KCNN2: variants seen among roughly 807,000 people sequenced by gnomAD.
The protein encoded by KCNN2 is potassium calcium-activated channel subfamily N member 2.
KCNN2 carries 24 observed loss-of-function variants against 55.5 expected under a neutral mutation model. The ratio of observed to expected loss-of-function variants is 0.43; its 90% CI spans 0.31 to 0.61. KCNN2 has a LOEUF of 0.61. Ranked by LOEUF, KCNN2 falls within the 20% of genes least tolerant of loss-of-function variation. The pLI, the probability that KCNN2 is intolerant of heterozygous loss-of-function variation, is 0.08. For missense variants in KCNN2, 754 were observed against 853.6 expected (o/e 0.88, Z 1.45); for synonymous variants, 431 against 336.1 (o/e 1.28, Z -3.09).
At chr5:114,149,200 C>T (rs1752465119) in intron 1 of KCNN2, among the ~76,000 whole-genome samples, 1 of 152,062 alleles carries the variant, frequency 6.6e-6, no homozygotes, top group Non-Finnish European at 1.5e-5. Context: ...CATAATAACC[C>T]TGGAATAATA....
intron 2 of KCNN2, among the ~76,000 whole-genome samples, chr5:114,381,201 A>G (rs543789821): frequency 4.4e-4 from 67 of 152,284 alleles, no homozygotes; most frequent in African/African-American, 1.6e-3. Context: ...TTTCTGCCAT[A>G]ATGTTCTGTA....
At chr5:114,338,532 T>C (rs1756963038) in intron 2 of KCNN2, among the ~76,000 whole-genome samples, 1 of 152,180 alleles carries the variant, frequency 6.6e-6, no homozygotes, top group African/African-American at 2.4e-5. Context: ...AAAAAGTAAG[T>C]AATATATCAA....
At chr5:114,288,440 C>T (rs12109269) in intron 2 of KCNN2, among the ~76,000 whole-genome samples, 10,575 of 151,360 alleles carry the variant, frequency 0.07, 1,255 homozygotes, top group African/African-American at 0.24. Flanking sequence ...ACATTCCCAT[C>T]AGTAACATAT....
chr5:114,396,987 A>G (rs1420364674), intron 2 of KCNN2, among the ~76,000 whole-genome samples: 1 of 152,088 alleles, frequency 6.6e-6, no homozygotes, highest in Non-Finnish European at 1.5e-5. Context: ...TTGATTTTCT[A>G]TTCCTGCATT....
chr5:114,449,660 C>G (rs1760565629), intron 3 of KCNN2, among the ~76,000 whole-genome samples: 1 of 152,144 alleles, frequency 6.6e-6, no homozygotes, highest in Non-Finnish European at 1.5e-5. Flanking sequence ...TGTCTCAGAG[C>G]AAGTGAACAA....
chr5:114,385,557 A>ACG (rs1257758483), intron 2 of KCNN2, among the ~76,000 whole-genome samples: 2 of 143,506 alleles, frequency 1.4e-5, no homozygotes. Flanking sequence ...ACACACACAC[A>ACG]TTATTGGAAT....
Position 114,205,940 on chromosome 5 carries a change from T to C in KCNN2, c.-270-15540T>C, listed in dbSNP as rs144733494. On this transcript the variant is annotated intron_variant, in intron 1 of 10. Transcript: ENST00000512097. The stretch of plus-strand genomic sequence containing the variant: ...ATCCTGTTACTTTTTGAAAATAGGA[T>C]AGTTATTGTGCTAAATGGTACCAAA... Among the ~76,000 whole-genome samples, 885 of 152,302 alleles carry C rather than the reference T, an allele frequency of 5.8e-3. 3 individuals are homozygous for C. Among genetic ancestry groups the C allele is most frequent in the Non-Finnish European group, 8.7e-3 (593 of 68,012 alleles).
At chr5:114,145,413 G>A (rs1202833233) in intron 1 of KCNN2, among the ~76,000 whole-genome samples, 3 of 152,190 alleles carry the variant, frequency 2.0e-5, no homozygotes, top group Non-Finnish European at 4.4e-5. Flanking sequence ...ATATTGGGAT[G>A]TGTGAATATA....
chr5:114,134,228 C>G (rs569285319), intron 1 of KCNN2, among the ~76,000 whole-genome samples: 5 of 151,120 alleles, frequency 3.3e-5, no homozygotes, highest in Admixed American at 2.0e-4. Flanking sequence ...TTTTAAATTA[C>G]CATCTAGTAT....
At chr5:114,382,749 G>A (rs1180713322) in intron 2 of KCNN2, among the ~76,000 whole-genome samples, 1 of 152,150 alleles carries the variant, frequency 6.6e-6, no homozygotes, top group Admixed American at 6.5e-5. Flanking sequence ...AAAAACAAAT[G>A]GATGGATGGC....
At position 114,323,649 on chromosome 5, in the gene KCNN2, ATTTTT is replaced by A. The variant is rs6149185; in HGVS notation, c.-184-37282_-184-37278del. On this transcript the variant is annotated intron_variant, in intron 2 of 10. Transcript: ENST00000512097. Reference sequence around the variant, plus strand: ...TAAGTATCATGATATAAACATATCAATTTTTTTTTTTTTTTTTTGCTGGTCGGGAT... The same window carrying A: ...TAAGTATCATGATATAAACATATCAATTTTTTTTTTTTTGCTGGTCGGGAT... 3.3e-3 allele frequency among the ~76,000 whole-genome samples: 279 copies of A among 85,308 alleles called. 11 individuals are homozygous for A. The Middle Eastern group carries it at 0.059, about 18-fold the overall frequency. 56.0% of individuals were successfully genotyped at this position (85,308 alleles called of 152,430 possible).
chr5:114,120,245 CAGT>C (rs1206635259), intron 1 of KCNN2, among the ~76,000 whole-genome samples: 5 of 152,212 alleles, frequency 3.3e-5, no homozygotes, highest in Middle Eastern at 3.4e-3. Flanking sequence ...TCCTGTGTGA[CAGT>C]GGTGGAGGAA....
At chr5:114,059,881 A>G (rs1750290578) in intron 1 of KCNN2, among the ~76,000 whole-genome samples, 1 of 152,194 alleles carries the variant, frequency 6.6e-6, no homozygotes, top group East Asian at 1.9e-4. Context: ...AGACAGTGAA[A>G]TCATTGAGAG....
At chr5:114,229,096 T>G (rs1023062037) in intron 2 of KCNN2, among the ~76,000 whole-genome samples, 2 of 151,920 alleles carry the variant, frequency 1.3e-5, no homozygotes, top group African/African-American at 2.4e-5. Context: ...AATTTATGAT[T>G]GTACTAAAAA....
At chr5:114,161,969 A>G (rs564042181) in intron 1 of KCNN2, among the ~76,000 whole-genome samples, 2 of 152,174 alleles carry the variant, frequency 1.3e-5, no homozygotes, top group Non-Finnish European at 2.9e-5. Flanking sequence ...AGCTTGGAGT[A>G]GTTTGATCTT....
intron 5 of KCNN2, among the ~76,000 whole-genome samples, chr5:114,479,650 T>A (rs1762134931): frequency 6.6e-6 from 1 of 152,084 alleles, no homozygotes; most frequent in African/African-American, 2.4e-5. Context: ...CCTCAGCAAA[T>A]GCAAAAGAAC....
At chr5:114,429,965 A>G (rs1480998624) in intron 3 of KCNN2, among the ~76,000 whole-genome samples, 1 of 151,120 alleles carries the variant, frequency 6.6e-6, no homozygotes, top group Non-Finnish European at 1.5e-5. Context: ...TACCTCGCCT[A>G]TTCTGTTACA....
At chr5:114,261,238 C>T (rs1293567460) in intron 2 of KCNN2, among the ~76,000 whole-genome samples, 1 of 152,156 alleles carries the variant, frequency 6.6e-6, no homozygotes, top group African/African-American at 2.4e-5. Context: ...AGTGTCAAGA[C>T]ATTCAGCTGG....
At chr5:114,134,588 GCCTAAGCCT>G (rs1752136450) in intron 1 of KCNN2, among the ~76,000 whole-genome samples, 1 of 151,368 alleles carries the variant, frequency 6.6e-6, no homozygotes, top group Non-Finnish European at 1.5e-5. Context: ...CCATTCTCCT[GCCTAAGCCT>G]CCCGAATAGC....
Sources: gnomAD v4.1 joint callset for allele counts (sites outside exome capture counted in the v4.1 genomes callset) on GRCh38, gnomAD v4.1.1 for gene constraint, MANE v1.5 for transcripts, NCBI Gene and HGNC (gene_info 2026-07-23, HGNC 2026-07-21) for gene names.